CDH23: variants seen among roughly 807,000 people sequenced by gnomAD.
CDH23 encodes the protein cadherin-23.
Under a neutral mutation model 317.1 loss-of-function variants are expected in CDH23, and 189 were observed. That is an observed-to-expected ratio of 0.60 (90% CI 0.53 to 0.67). The LOEUF is 0.67. CDH23 is among the 30% of genes least tolerant of loss of function. The pLI is 0.00. For synonymous variants in CDH23, 1,839 were observed against 1,876.8 expected, an observed-to-expected ratio of 0.98 and a Z score of 0.52; for missense variants, 4,401 against 4,592.4, an observed-to-expected ratio of 0.96 and a Z score of 1.20.
At chr10:71,617,446 C>G (rs572222393) in intron 11 of CDH23, 53 bp downstream of exon 11, 6 of 1,588,182 alleles carry the variant, frequency 3.8e-6, no homozygotes, top group East Asian at 2.3e-5. Flanking sequence ...CCAGACCCAC[C>G]ACCCTGCCTG....
At chr10:71,734,765 G>C (rs114819631) in intron 34 of CDH23, 107 bp downstream of exon 34, 2 of 680,572 alleles carry the variant, frequency 2.9e-6, no homozygotes, top group Non-Finnish European at 5.0e-6. Context: ...GAGAAGGCAC[G>C]TGGACAGGCC....
At chr10:71,792,905 G>A (rs1267341669) in intron 47 of CDH23, among the ~76,000 whole-genome samples, 1 of 128,648 alleles carries the variant, frequency 7.8e-6, no homozygotes, top group Non-Finnish European at 1.6e-5. Flanking sequence ...TATGTGACTT[G>A]TATAATTGAC....
At chr10:71,730,674 C>G in intron 31 of CDH23, 70 bp downstream of exon 31, 1 of 1,587,896 alleles carries the variant, frequency 6.3e-7, no homozygotes, top group Non-Finnish European at 8.6e-7. Flanking sequence ...CCCAGCCCCT[C>G]CTTCGAAACG....
intron 11 of CDH23, 152 bp downstream of exon 11, chr10:71,617,545 A>G: frequency 1.3e-6 from 2 of 1,483,300 alleles, no homozygotes; most frequent in Non-Finnish European, 1.8e-6. Flanking sequence ...GGCTGAAAAA[A>G]AAATCACTAG....
At chr10:71,660,449 C>G (rs1863602209) in intron 14 of CDH23, among the ~76,000 whole-genome samples, 1 of 152,130 alleles carries the variant, frequency 6.6e-6, no homozygotes, top group Non-Finnish European at 1.5e-5. Context: ...TAGGGTGTGT[C>G]CCTCATCTTC....
Position 71,553,514 on chromosome 10 carries a change from C to G in CDH23, c.430-13228C>G, listed in dbSNP as rs192420667. On this transcript the variant is annotated intron_variant, in intron 6 of 69. Coordinates refer to ENST00000224721, the MANE Select transcript of CDH23 (RefSeq NM_022124.6). ...CCCACCACACTCATACCTGCCCAGG[C>G]CTCTGCTGCCCCCTTCACCCACTCC... 4.7e-4 allele frequency among the ~76,000 whole-genome samples: 71 copies of G among 152,344 alleles called. 1 individual carries two copies. Among genetic ancestry groups the G allele is most frequent in the African/African-American group, 1.7e-3 (70 of 41,562 alleles).
intron 6 of CDH23, among the ~76,000 whole-genome samples, chr10:71,543,536 A>G (rs1254951890): frequency 6.6e-6 from 1 of 152,238 alleles, no homozygotes; most frequent in Non-Finnish European, 1.5e-5. Flanking sequence ...CCAGTTCCGC[A>G]TAGATGATTC....
chr10:71,504,640 G>A (rs1791120265), intron 3 of CDH23, among the ~76,000 whole-genome samples: 1 of 152,172 alleles, frequency 6.6e-6, no homozygotes, highest in South Asian at 2.1e-4. Flanking sequence ...TCCCCATGAG[G>A]GTAGGAGAGG....
intron 3 of CDH23, among the ~76,000 whole-genome samples, chr10:71,490,731 G>A (rs143263427): frequency 2.0e-5 from 3 of 152,334 alleles, no homozygotes; most frequent in Non-Finnish European, 4.4e-5. Flanking sequence ...ATGGACTTAT[G>A]TGTTTGTTAG....
At chr10:71,689,352 G>A (rs1865099192) in intron 19 of CDH23, among the ~76,000 whole-genome samples, 1 of 152,058 alleles carries the variant, frequency 6.6e-6, no homozygotes, top group South Asian at 2.1e-4. Flanking sequence ...AGCCTACCCT[G>A]CCTGTCCTAG....
At chr10:71,774,045 G>A (rs1480081249) in intron 38 of CDH23, among the ~76,000 whole-genome samples, 2 of 42,760 alleles carry the variant, frequency 4.7e-5, no homozygotes, top group Non-Finnish European at 7.2e-5. Flanking sequence ...GAGTGCATGC[G>A]CGCGCGCACA....
intron 28 of CDH23, 82 bp from the exon 29 acceptor site, chr10:71,723,963 G>T (rs1866687797): frequency 6.7e-7 from 1 of 1,485,630 alleles, no homozygotes; most frequent in Non-Finnish European, 9.2e-7. Flanking sequence ...GATGCGTGAA[G>T]GGAAGGAAAG....
chr10:71,781,641 T>C (rs1482401179), intron 41 of CDH23, among the ~76,000 whole-genome samples: 1 of 152,178 alleles, frequency 6.6e-6, no homozygotes, highest in African/African-American at 2.4e-5. Context: ...CCACACGTGA[T>C]TGGGATGAGC....
chr10:71,529,373 G>A (rs78345250), intron 6 of CDH23, among the ~76,000 whole-genome samples: 4,076 of 152,228 alleles, frequency 0.027, 184 homozygotes, highest in African/African-American at 0.093. Context: ...GGTCATGCAC[G>A]TAGTACCCGG....
chr10:71,760,245 ATGTATG>A (rs1840333052), intron 38 of CDH23, among the ~76,000 whole-genome samples: 1 of 41,916 alleles, frequency 2.4e-5, no homozygotes, highest in Non-Finnish European at 6.4e-5. Context: ...ATACATATAT[ATGTATG>A]TATATATATG....
chr10:71,615,425 G>A (rs1315668878), intron 9 of CDH23, 79 bp from the exon 10 acceptor site: 9 of 918,944 alleles, frequency 9.8e-6, no homozygotes, highest in Admixed American at 1.9e-5. Flanking sequence ...CCTGGCCCCA[G>A]CTCCATGCCC....
At chr10:71,467,728 A>C (rs1297845707) in intron 3 of CDH23, among the ~76,000 whole-genome samples, 3 of 137,976 alleles carry the variant, frequency 2.2e-5, no homozygotes, top group African/African-American at 8.6e-5. Flanking sequence ...TGATGTGCAG[A>C]AACTTAGTGC....
intron 35 of CDH23, 71 bp from the exon 36 acceptor site, chr10:71,739,573 G>T: frequency 6.4e-7 from 1 of 1,554,814 alleles, no homozygotes; most frequent in East Asian, 2.4e-5. Context: ...GGACCAGGGA[G>T]TCCCCCTTGG....
At chr10:71,403,412 C>CT (rs1554821127) in intron 1 of CDH23, among the ~76,000 whole-genome samples, 35 of 46,170 alleles carry the variant, frequency 7.6e-4, no homozygotes, top group African/African-American at 9.7e-4. Context: ...TCTTTCTCTT[C>CT]CTTCCTTCCT....
Sources: allele counts gnomAD v4.1 joint callset (sites outside exome capture counted in the v4.1 genomes callset), GRCh38; gene constraint gnomAD v4.1.1; transcripts MANE v1.5; gene names NCBI Gene and HGNC (gene_info 2026-07-23, HGNC 2026-07-21).